Variants in IGFL2 observed in about 807,000 individuals in gnomAD.
The protein encoded by IGFL2 is IGF like family member 2.
IGFL2 carries 7 observed loss-of-function variants against 13.9 expected under a neutral mutation model. The ratio of observed to expected loss-of-function variants is 0.51; its 90% confidence interval spans 0.29 to 0.95. The LOEUF (loss-of-function observed/expected upper bound fraction) is 0.95, where lower values mean the gene tolerates loss of function less well. Ranked by LOEUF, IGFL2 falls within the 40% of genes least tolerant of loss-of-function variation. IGFL2 has a pLI of 0.08. For synonymous variants in IGFL2, 55 were observed against 55.8 expected (o/e 0.99, Z 0.07); for missense variants, 138 against 147.8 (o/e 0.93, Z 0.34).
the IGFL2 span, chr19:46,124,065 A>G: frequency 6.2e-7 from 1 of 1,611,512 alleles, no homozygotes; most frequent in African/African-American, 1.4e-5. Flanking sequence ...AGATGGCATC[A>G]TCATAACAGC....
the IGFL2 span, among the ~76,000 whole-genome samples, chr19:46,193,306 G>A: frequency 1.3e-5 from 2 of 152,300 alleles, no homozygotes; most frequent in African/African-American, 2.4e-5. Flanking sequence ...CCCCGCTGGT[G>A]AGTCATCCTT....
the IGFL2 span, among the ~76,000 whole-genome samples, chr19:46,177,469 T>C: frequency 6.6e-6 from 1 of 152,000 alleles, no homozygotes; most frequent in Non-Finnish European, 1.5e-5. Context: ...GTAATATATA[T>C]ATACATATAT....
the IGFL2 span, among the ~76,000 whole-genome samples, chr19:46,112,542 C>T: frequency 6.6e-5 from 10 of 152,260 alleles, no homozygotes; most frequent in East Asian, 1.9e-4. Flanking sequence ...AGCCTGGAGG[C>T]GAAACCAGTA....
chr19:46,120,341 G>A, the IGFL2 span: 1 of 1,611,050 alleles, frequency 6.2e-7, no homozygotes, highest in African/African-American at 1.4e-5. Context: ...TATGGGTACA[G>A]GACGTGCCTC....
At chr19:46,162,879 T>C (rs1447928380), downstream of IGFL2, among the ~76,000 whole-genome samples, 1 of 152,208 alleles carries the variant, frequency 6.6e-6, no homozygotes, top group East Asian at 1.9e-4. Context: ...CTCTGGCCAT[T>C]TGAGTTACTG....
At chr19:46,102,561 G>T in the IGFL2 span, among the ~76,000 whole-genome samples, 6 of 152,106 alleles carry the variant, frequency 3.9e-5, no homozygotes, top group East Asian at 1.2e-3. Flanking sequence ...GGCGGGGAGG[G>T]TGTATTGTCA....
chr19:46,079,510 C>T, the IGFL2 span, among the ~76,000 whole-genome samples: 67 of 152,282 alleles, frequency 4.4e-4, no homozygotes, highest in East Asian at 9.7e-3. Context: ...GAATGAGACC[C>T]AAGTCACACG....
At chr19:46,165,370 G>A (rs574023838), downstream of IGFL2, among the ~76,000 whole-genome samples, 4 of 152,340 alleles carry the variant, frequency 2.6e-5, no homozygotes, top group African/African-American at 7.2e-5. Flanking sequence ...GCAAAGGGAG[G>A]ATGTTACAAA....
At chr19:46,135,988 G>C in the IGFL2 span, among the ~76,000 whole-genome samples, 1 of 152,166 alleles carries the variant, frequency 6.6e-6, no homozygotes, top group Non-Finnish European at 1.5e-5. Context: ...CCCTTTCCAG[G>C]AGACCTTCCC....
the IGFL2 span, among the ~76,000 whole-genome samples, chr19:46,175,679 C>T: frequency 1.3e-5 from 2 of 152,072 alleles, no homozygotes; most frequent in Non-Finnish European, 2.9e-5. Context: ...GCTGGGATTA[C>T]AGGCGCCCGC....
the IGFL2 span, among the ~76,000 whole-genome samples, chr19:46,102,202 TGC>T: frequency 0.013 from 2,018 of 152,330 alleles, 31 homozygotes; most frequent in Middle Eastern, 0.027. Flanking sequence ...GCTAATTTCA[TGC>T]GCGCGTCTGT....
the IGFL2 span, among the ~76,000 whole-genome samples, chr19:46,188,518 A>C: frequency 2.6e-5 from 4 of 152,222 alleles, no homozygotes; most frequent in Admixed American, 6.5e-5. Context: ...CACAGCCTTG[A>C]TAATGGGTGA....
At chr19:46,082,499 T>G in the IGFL2 span, among the ~76,000 whole-genome samples, 1 of 152,108 alleles carries the variant, frequency 6.6e-6, no homozygotes, top group African/African-American at 2.4e-5. Context: ...GAAGACACAT[T>G]GAGGAGAAAT....
At chr19:46,169,615 A>T in the IGFL2 span, among the ~76,000 whole-genome samples, 2 of 152,278 alleles carry the variant, frequency 1.3e-5, no homozygotes, top group African/African-American at 4.8e-5. Flanking sequence ...TGGGAGGCCA[A>T]GGTGGGCGGA....
At chr19:46,192,715 G>T in the IGFL2 span, among the ~76,000 whole-genome samples, 1 of 151,770 alleles carries the variant, frequency 6.6e-6, no homozygotes, top group Non-Finnish European at 1.5e-5. Context: ...CACTGCACCC[G>T]GTCTCTTTTG....
chr19:46,151,477 C>T (rs2146846455), intron 1 of IGFL2, among the ~76,000 whole-genome samples: 1 of 152,292 alleles, frequency 6.6e-6, no homozygotes, highest in African/African-American at 2.4e-5. Flanking sequence ...TGTGTCAGCT[C>T]CTACACTGTC....
At chr19:46,213,162 G>A in the IGFL2 span, among the ~76,000 whole-genome samples, 1 of 152,238 alleles carries the variant, frequency 6.6e-6, no homozygotes, top group East Asian at 1.9e-4. Context: ...GGCTGTGTGA[G>A]TGGGGGAGGG....
the IGFL2 span, among the ~76,000 whole-genome samples, chr19:46,082,743 A>T: frequency 2.0e-5 from 3 of 150,744 alleles, no homozygotes; most frequent in African/African-American, 4.9e-5. Context: ...TTCATTTTTG[A>T]TAGGAACGTT....
chr19:46,158,895 TG>T (rs969619105), intron 1 of IGFL2, among the ~76,000 whole-genome samples: 2 of 152,110 alleles, frequency 1.3e-5, no homozygotes, highest in African/African-American at 4.8e-5. Flanking sequence ...TCAGATCAGT[TG>T]TCATCACTGA....
Sources: gnomAD v4.1 joint callset for allele counts (sites outside exome capture counted in the v4.1 genomes callset) on GRCh38, gnomAD v4.1.1 for gene constraint, MANE v1.5 for transcripts, NCBI Gene and HGNC (gene_info 2026-07-23, HGNC 2026-07-21) for gene names.